DCC: variants seen among roughly 807,000 people sequenced by gnomAD.
The protein encoded by DCC is netrin receptor DCC.
DCC carries 58 observed loss-of-function variants against 172.5 expected under a neutral mutation model. That is an observed-to-expected ratio of 0.34 (90% CI 0.27 to 0.42). The LOEUF (loss-of-function observed/expected upper bound fraction) is 0.42. Ranked by LOEUF, DCC falls within the 10% of genes least tolerant of loss-of-function variation. DCC has a pLI of 1.00. For synonymous variants in DCC, 709 were observed against 644.5 expected, an observed-to-expected ratio of 1.10 and a Z score of -1.52; for missense variants, 1,740 against 1,791.0, an observed-to-expected ratio of 0.97 and a Z score of 0.51.
rs145595192 is a variant in DCC, at chr18:53,321,937, T to C, written c.2054-110T>C. On this transcript the variant is annotated intron_variant, in intron 13 of 28. Coordinates refer to ENST00000442544, the MANE Select transcript of DCC (RefSeq NM_005215.4). ...TCATTACCACAACAGTCACAAACAA[T>C]GTAAAGCATGTCCACTATTGTTACA... 1,257 of 769,976 alleles carry C rather than the reference T, an allele frequency of 1.6e-3. 11 individuals are homozygous for C. In the African/African-American group the frequency reaches 0.018, roughly 11 times the overall value. 47.7% of individuals were successfully genotyped at this position (769,976 alleles called of 1,614,324 possible). A position where few individuals can be genotyped will look rare whatever the true frequency, so the allele number is the denominator to read the frequency against.
At chr18:52,690,672 G>C (rs1452264029) in intron 1 of DCC, among the ~76,000 whole-genome samples, 1 of 152,134 alleles carries the variant, frequency 6.6e-6, no homozygotes, top group Non-Finnish European at 1.5e-5. Context: ...CTAAGGTTCA[G>C]AGAGACCAAG....
At chr18:52,791,871 G>A (rs62083265) in intron 2 of DCC, among the ~76,000 whole-genome samples, 3,806 of 152,184 alleles carry the variant, frequency 0.025, 67 homozygotes, top group Middle Eastern at 0.078. Flanking sequence ...AATGGAAGCA[G>A]AATACGTGCC....
intron 12 of DCC, among the ~76,000 whole-genome samples, chr18:53,244,235 A>G (rs2056339801): frequency 6.6e-6 from 1 of 152,086 alleles, no homozygotes; most frequent in Admixed American, 6.6e-5. Context: ...TTTCCCTTTA[A>G]AATAGGGATC....
At chr18:52,593,046 T>C (rs748736614) in intron 1 of DCC, among the ~76,000 whole-genome samples, 2 of 152,202 alleles carry the variant, frequency 1.3e-5, no homozygotes, top group Non-Finnish European at 2.9e-5. Context: ...ACCATGCTCC[T>C]CAGGTAGTAG....
chr18:53,270,348 A>G (rs150231520), intron 12 of DCC, among the ~76,000 whole-genome samples: 283 of 152,202 alleles, frequency 1.9e-3, no homozygotes, highest in African/African-American at 6.5e-3. Context: ...TTCCTAGTCA[A>G]TTTTTGTTAT....
intron 1 of DCC, among the ~76,000 whole-genome samples, chr18:52,572,491 G>T (rs971337280): frequency 6.6e-6 from 1 of 152,152 alleles, no homozygotes; most frequent in Non-Finnish European, 1.5e-5. Flanking sequence ...CTGCCTCCTG[G>T]CAAGGTAGAC....
At chr18:53,317,191 A>G (rs983934234) in intron 13 of DCC, among the ~76,000 whole-genome samples, 1 of 152,192 alleles carries the variant, frequency 6.6e-6, no homozygotes, top group African/African-American at 2.4e-5. Context: ...TTCTGCATCT[A>G]TGGAGGTAAT....
chr18:53,015,881 C>T (rs2143898576), intron 5 of DCC, among the ~76,000 whole-genome samples: 1 of 152,082 alleles, frequency 6.6e-6, no homozygotes. Context: ...ATATATTTTT[C>T]AAAAGCTTGT....
chr18:53,314,756 G>C (rs1462841132), intron 13 of DCC, among the ~76,000 whole-genome samples: 1 of 152,116 alleles, frequency 6.6e-6, no homozygotes, highest in South Asian at 2.1e-4. Context: ...ATACTTCAAA[G>C]ACATTTGGCA....
At chr18:52,900,605 A>G (rs1199501721) in intron 2 of DCC, among the ~76,000 whole-genome samples, 1 of 152,246 alleles carries the variant, frequency 6.6e-6, no homozygotes, top group Non-Finnish European at 1.5e-5. Flanking sequence ...AGAAGATTAA[A>G]CAGAGCTTCC....
At chr18:52,891,070 ATAGCT>A (rs2145421284) in intron 2 of DCC, among the ~76,000 whole-genome samples, 1 of 152,236 alleles carries the variant, frequency 6.6e-6, no homozygotes, top group African/African-American at 2.4e-5. Context: ...AAATGACAAG[ATAGCT>A]TAGTTATAAG....
intron 2 of DCC, among the ~76,000 whole-genome samples, chr18:52,885,117 C>T (rs2039550094): frequency 6.6e-6 from 1 of 152,136 alleles, no homozygotes; most frequent in East Asian, 1.9e-4. Flanking sequence ...GAAGCAAACA[C>T]AACACTGGGT....
intron 21 of DCC, chr18:53,416,564 G>C: frequency 4.1e-6 from 1 of 246,106 alleles, no homozygotes; most frequent in Non-Finnish European, 8.2e-6. Flanking sequence ...TAAATTATGT[G>C]TGATTTTCCT....
intron 1 of DCC, among the ~76,000 whole-genome samples, chr18:52,713,868 G>C (rs1302607541): frequency 6.6e-6 from 1 of 152,150 alleles, no homozygotes; most frequent in East Asian, 1.9e-4. Flanking sequence ...AACACACTCT[G>C]TGTCAGGGCA....
At chr18:52,412,696 T>C (rs1395790250) in intron 1 of DCC, among the ~76,000 whole-genome samples, 1 of 152,168 alleles carries the variant, frequency 6.6e-6, no homozygotes, top group Non-Finnish European at 1.5e-5. Flanking sequence ...TGGTTCTAAC[T>C]TTAAATTTAG....
intron 12 of DCC, among the ~76,000 whole-genome samples, chr18:53,284,504 C>A (rs981909986): frequency 1.3e-5 from 2 of 152,158 alleles, no homozygotes; most frequent in Admixed American, 1.3e-4. Flanking sequence ...ACGTGCCTTT[C>A]ACCTTCTGCC....
intron 2 of DCC, among the ~76,000 whole-genome samples, chr18:52,881,902 T>C (rs537083668): frequency 6.6e-6 from 1 of 152,268 alleles, no homozygotes; most frequent in East Asian, 1.9e-4. Flanking sequence ...GTGTGGAAAT[T>C]TTAAAAATAC....
chr18:52,924,168 A>C (rs2040165589), intron 4 of DCC, among the ~76,000 whole-genome samples: 1 of 152,082 alleles, frequency 6.6e-6, no homozygotes, highest in African/African-American at 2.4e-5. Flanking sequence ...ATTATAAGAA[A>C]GTGGTATATA....
In DCC at chr18:53,450,604, C is replaced by T. The variant is rs1568139820; in HGVS notation, c.3334C>T (p.Leu1112=). 7 of 1,611,936 alleles carry T rather than the reference C, an allele frequency of 4.3e-6. No homozygotes were observed. The Admixed American group carries it at 8.4e-5, about 19-fold the overall frequency. ...IVVTVGVITV[L]VVVIVAVICT... ...GGTCACCGTTGGTGTCATCACAGTG[C>T]TGGTAGTGGTCATCGTGGCTGTGAT... Residue 1112 remains leucine, a synonymous_variant, in exon 23 of 29, where the codon CTG becomes TTG. Coordinates refer to ENST00000442544, the MANE Select transcript of DCC (RefSeq NM_005215.4).
Sources: gnomAD v4.1 joint callset for allele counts (sites outside exome capture counted in the v4.1 genomes callset) on GRCh38, gnomAD v4.1.1 for gene constraint, MANE v1.5 for transcripts, NCBI Gene and HGNC (gene_info 2026-07-23, HGNC 2026-07-21) for gene names.